DCLK1: variants seen among roughly 807,000 people sequenced by gnomAD.
The protein encoded by DCLK1 is doublecortin like kinase 1, also known as serine/threonine-protein kinase DCLK1.
A neutral mutation model predicts 86.2 loss-of-function variants in DCLK1; 16 were observed. That is an observed-to-expected ratio of 0.19 (90% CI 0.13 to 0.28). DCLK1 has a LOEUF of 0.28. Among genes scored for constraint, DCLK1 ranks in the 10% least tolerant of loss-of-function variants. The pLI, the probability that DCLK1 is intolerant of heterozygous loss-of-function variation, is 1.00. For synonymous variants in DCLK1, 369 were observed against 370.5 expected (o/e 1.00, Z 0.05); for missense variants, 590 against 940.2 (o/e 0.63, Z 4.87).
chr13:35,919,712 G>C (rs185430890), intron 4 of DCLK1, among the ~76,000 whole-genome samples: 1 of 152,094 alleles, frequency 6.6e-6, no homozygotes, highest in African/African-American at 2.4e-5. Flanking sequence ...TATAATTCCA[G>C]CACTTTAGGA....
At chr13:36,033,368 C>T (rs1882360669) in intron 3 of DCLK1, among the ~76,000 whole-genome samples, 3 of 152,270 alleles carry the variant, frequency 2.0e-5, no homozygotes, top group Middle Eastern at 3.4e-3. Flanking sequence ...AGTGATAATA[C>T]TTTCTGTGCA....
At chr13:35,977,794 T>C (rs1005514605) in intron 3 of DCLK1, among the ~76,000 whole-genome samples, 1 of 151,724 alleles carries the variant, frequency 6.6e-6, no homozygotes, top group Non-Finnish European at 1.5e-5. Context: ...AACAGCTCCA[T>C]GTTCAAGCAC....
At chr13:35,856,686 T>C (rs960098435) in intron 5 of DCLK1, among the ~76,000 whole-genome samples, 8 of 152,192 alleles carry the variant, frequency 5.3e-5, no homozygotes, top group African/African-American at 1.9e-4. Context: ...TAAGTATCCA[T>C]TGTATGTGTA....
At chr13:35,882,841 C>T (rs1422906165) in intron 4 of DCLK1, among the ~76,000 whole-genome samples, 1 of 152,184 alleles carries the variant, frequency 6.6e-6, no homozygotes, top group African/African-American at 2.4e-5. Context: ...AGGGTCTCTG[C>T]TTTTGTGGAA....
intron 4 of DCLK1, among the ~76,000 whole-genome samples, chr13:35,936,576 G>T (rs1224093457): frequency 1.3e-5 from 2 of 152,200 alleles, no homozygotes; most frequent in Non-Finnish European, 2.9e-5. Flanking sequence ...CTCAATAGGG[G>T]TTTCACTGGA....
At chr13:35,982,433 G>GGGGGAGGGAGGGA (rs1879700588) in intron 3 of DCLK1, among the ~76,000 whole-genome samples, 1 of 21,692 alleles carries the variant, frequency 4.6e-5, no homozygotes, top group African/African-American at 1.5e-4. Flanking sequence ...AGAGAGAGAG[G>GGGGGAGGGAGGGA]GGGAGGGAGG....
At chr13:36,126,272 G>T in intron 1 of DCLK1, 116 bp from the exon 2 acceptor site, 2 of 853,188 alleles carry the variant, frequency 2.3e-6, no homozygotes, top group Non-Finnish European at 3.2e-6. Flanking sequence ...CTGTCACCGG[G>T]CTGCAGTGAG....
chr13:35,925,912 A>G (rs2153127864), intron 4 of DCLK1, among the ~76,000 whole-genome samples: 1 of 152,314 alleles, frequency 6.6e-6, no homozygotes, highest in African/African-American at 2.4e-5. Context: ...AGTGTTTCCC[A>G]TGCTTGAAAT....
At chr13:35,813,556 C>A (rs545069944) in intron 11 of DCLK1, among the ~76,000 whole-genome samples, 1 of 152,066 alleles carries the variant, frequency 6.6e-6, no homozygotes, top group South Asian at 2.1e-4. Context: ...AAGAAAAAAT[C>A]ACTAAAAATC....
Position 35,770,977 on chromosome 13 carries a change from A to G in DCLK1, c.*3558T>C, listed in dbSNP as rs1051289481. On this transcript the variant is annotated 3_prime_UTR_variant, in exon 17 of 17. Transcript: ENST00000360631. ...TTGAGAATAGGAGTTTATCATAGAAATGCTGACAGATCCTAACCCAGAGAA... is the reference window on the plus strand; with the variant it reads ...TTGAGAATAGGAGTTTATCATAGAAGTGCTGACAGATCCTAACCCAGAGAA... 1.3e-5 allele frequency: 2 copies of G among 152,234 alleles called. No homozygotes were observed. Among genetic ancestry groups the G allele is most frequent in the African/African-American group, 4.8e-5 (2 of 41,458 alleles). 9.4% of individuals were successfully genotyped at this position (152,234 alleles called of 1,614,324 possible). A position where few individuals can be genotyped will look rare whatever the true frequency, so the allele number is the denominator to read the frequency against.
intron 6 of DCLK1, among the ~76,000 whole-genome samples, chr13:35,853,627 A>G (rs926309602): frequency 2.0e-5 from 3 of 152,216 alleles, no homozygotes; most frequent in Non-Finnish European, 2.9e-5. Context: ...AAAAGAAACT[A>G]AACTCAAGAA....
At chr13:35,878,370 G>T (rs532571249) in intron 4 of DCLK1, among the ~76,000 whole-genome samples, 1 of 152,224 alleles carries the variant, frequency 6.6e-6, no homozygotes, top group Non-Finnish European at 1.5e-5. Context: ...TTTTCTGAGT[G>T]AACCCTGACA....
intron 6 of DCLK1, chr13:35,849,517 G>GT: frequency 1.0e-6 from 1 of 981,260 alleles, no homozygotes; most frequent in Non-Finnish European, 1.2e-6. Context: ...CTAGGATATG[G>GT]CTTAAATACA....
At chr13:35,812,968 C>A in intron 11 of DCLK1, among the ~76,000 whole-genome samples, 1 of 152,218 alleles carries the variant, frequency 6.6e-6, no homozygotes, top group East Asian at 1.9e-4. Context: ...AGCTGCAAAA[C>A]ACAACATCGG....
chr13:35,967,438 T>C (rs1026811458), intron 3 of DCLK1, among the ~76,000 whole-genome samples: 2 of 152,214 alleles, frequency 1.3e-5, no homozygotes, highest in African/African-American at 2.4e-5. Context: ...TGTGTCTGTG[T>C]AGAAAGAAGT....
chr13:35,959,941 A>G (rs1429297838), intron 3 of DCLK1, among the ~76,000 whole-genome samples: 1 of 152,066 alleles, frequency 6.6e-6, no homozygotes, highest in Middle Eastern at 3.2e-3. Flanking sequence ...GTGCATCTAC[A>G]TGTGCTTACA....
At chr13:35,775,366 A>G (rs9645963) in intron 16 of DCLK1, among the ~76,000 whole-genome samples, 7,236 of 152,296 alleles carry the variant, frequency 0.048, 240 homozygotes, top group East Asian at 0.19. Context: ...CATTTTCATC[A>G]TAGTATTTGG....
At chr13:35,889,441 A>G (rs1334603892) in intron 4 of DCLK1, among the ~76,000 whole-genome samples, 1 of 152,184 alleles carries the variant, frequency 6.6e-6, no homozygotes, top group Non-Finnish European at 1.5e-5. Flanking sequence ...GTCACACAGC[A>G]GTCTTCTGTG....
intron 2 of DCLK1, among the ~76,000 whole-genome samples, chr13:36,119,857 T>G (rs138677493): frequency 3.9e-5 from 6 of 152,314 alleles, no homozygotes; most frequent in South Asian, 2.1e-4. Context: ...AGGCCTGTAG[T>G]TCAACTACTG....
Sources: gnomAD v4.1 joint callset for allele counts (sites outside exome capture counted in the v4.1 genomes callset) on GRCh38, gnomAD v4.1.1 for gene constraint, MANE v1.5 for transcripts, NCBI Gene and HGNC (gene_info 2026-07-23, HGNC 2026-07-21) for gene names.